Variants in CLIP4 observed in about 807,000 individuals in gnomAD.
CLIP4 encodes the protein CAP-Gly domain containing linker protein family member 4, also known as CAP-Gly domain-containing linker protein 4.
A neutral mutation model predicts 73.1 loss-of-function variants in CLIP4; 47 were observed. The ratio of observed to expected loss-of-function variants is 0.64; its 90% CI spans 0.51 to 0.82. CLIP4 has a LOEUF of 0.82. Ranked by LOEUF, CLIP4 falls within the 40% of genes least tolerant of loss-of-function variation. The pLI is 0.00. For missense variants in CLIP4, 874 were observed against 852.9 expected, an observed-to-expected ratio of 1.02 and a Z score of -0.31; for synonymous variants, 306 against 295.4, an observed-to-expected ratio of 1.04 and a Z score of -0.37.
At chr2:29,098,591 G>A (rs751409641) in intron 1 of CLIP4, among the ~76,000 whole-genome samples, 6 of 152,044 alleles carry the variant, frequency 3.9e-5, no homozygotes, top group Non-Finnish European at 8.8e-5. Context: ...GAGGTACTAC[G>A]GTTTGTTTAT....
At chr2:29,137,975 A>G (rs905787969) in intron 6 of CLIP4, among the ~76,000 whole-genome samples, 1 of 151,994 alleles carries the variant, frequency 6.6e-6, no homozygotes, top group Non-Finnish European at 1.5e-5. Flanking sequence ...CTCTGTTGAT[A>G]GTTTCTTTTG....
At chr2:29,132,762 A>G (rs1244541821) in intron 4 of CLIP4, 1 of 152,594 alleles carries the variant, frequency 6.6e-6, no homozygotes, top group African/African-American at 2.4e-5. Flanking sequence ...TGCTGAAGCT[A>G]CTGGTGGTGA....
chr2:29,160,390 G>T lies in CLIP4; in HGVS notation c.1457G>T (p.Arg486Leu), dbSNP rs3100246. 0.13 allele frequency: 208,866 copies of T among 1,613,966 alleles called. 15,385 individuals carry two copies. The highest frequency in any genetic ancestry group is 0.15 in the Non-Finnish European group (180,147 of 1,179,898). ...AATAGCCGTTGCGAGGGGGAACTCC[G>T]CCTCGGAGAGAGAGTGTTAGTGGTA... ...ANNSRCEGELRLGERVLVVGQ... is the reference protein window; with the variant it reads ...ANNSRCEGELLLGERVLVVGQ... The change falls in exon 12 of 16, where the codon CGC (arginine) becomes CTC (leucine). Residue 486 changes from arginine to leucine, a missense_variant. Arg to Leu is a moderately radical substitution (Grantham distance 102, BLOSUM62 -2). Transcript: ENST00000320081.
chr2:29,098,146 A>G (rs1202919747), intron 1 of CLIP4, among the ~76,000 whole-genome samples: 4 of 152,224 alleles, frequency 2.6e-5, no homozygotes, highest in African/African-American at 9.6e-5. Context: ...TAATGGAATG[A>G]TCAGAAAGTC....
At chr2:29,136,514 G>C (rs1015975109) in intron 6 of CLIP4, among the ~76,000 whole-genome samples, 3 of 151,954 alleles carry the variant, frequency 2.0e-5, no homozygotes, top group African/African-American at 4.8e-5. Flanking sequence ...TAAAGCCCTT[G>C]CCCTCAAAAA....
chr2:29,128,885 A>C (rs1664787682), intron 2 of CLIP4, among the ~76,000 whole-genome samples: 1 of 152,182 alleles, frequency 6.6e-6, no homozygotes, highest in African/African-American at 2.4e-5. Context: ...AATTTCTAGA[A>C]GCACGTTTCC....
At chr2:29,165,427 A>C (rs1667545504) in intron 13 of CLIP4, among the ~76,000 whole-genome samples, 1 of 152,204 alleles carries the variant, frequency 6.6e-6, no homozygotes, top group Non-Finnish European at 1.5e-5. Context: ...TGAGGAAAGT[A>C]AGTCACAAGG....
rs1431647579 is a variant in CLIP4, at chr2:29,133,674, A to G, written c.387A>G (p.Val129=). 3 of 1,608,862 alleles carry G rather than the reference A, an allele frequency of 1.9e-6. No homozygotes were observed. In the African/African-American group the frequency reaches 4.0e-5, roughly 22 times the overall value. ...CTTTAGGTGATGTGGAAACAGCTGT[A>G]AAATTTGCAACTCAGCTTATTGACC... ...AHGIGDVETA[V]KFATQLIDLG... The change falls in exon 5 of 16, where the codon GTA becomes GTG. Residue 129 remains valine (V), a synonymous_variant. Coordinates refer to ENST00000320081, the MANE Select transcript of CLIP4 (RefSeq NM_024692.6).
intron 2 of CLIP4, among the ~76,000 whole-genome samples, chr2:29,122,124 G>C (rs1163626554): frequency 6.6e-6 from 1 of 152,114 alleles, no homozygotes; most frequent in Non-Finnish European, 1.5e-5. Context: ...TTTGGAGGTA[G>C]AGATCATACA....
chr2:29,157,424 A>G (rs1203061500), intron 11 of CLIP4, 77 bp downstream of exon 11: 2 of 1,610,446 alleles, frequency 1.2e-6, no homozygotes, highest in South Asian at 1.1e-5. Flanking sequence ...TGCTCTTTTT[A>G]AATGTGTAGA....
intron 8 of CLIP4, among the ~76,000 whole-genome samples, chr2:29,146,990 CTTTT>C (rs896326947): frequency 4.6e-5 from 7 of 152,026 alleles, no homozygotes; most frequent in East Asian, 3.8e-4. Context: ...TCTATTAAAA[CTTTT>C]TTTGTTTGTT....
intron 11 of CLIP4, 42 bp from the exon 12 acceptor site, chr2:29,160,291 C>T: frequency 1.2e-6 from 2 of 1,613,376 alleles, no homozygotes; most frequent in South Asian, 1.1e-5. Context: ...TTTTTCTCCT[C>T]TTTTCCTGCC....
intron 6 of CLIP4, among the ~76,000 whole-genome samples, chr2:29,140,457 AT>A (rs1197758492): frequency 6.6e-6 from 1 of 151,888 alleles, no homozygotes; most frequent in Non-Finnish European, 1.5e-5. Context: ...TATGTGCCAC[AT>A]TTTCTTAATC....
chr2:29,116,351 G>A (rs1663833919), intron 1 of CLIP4, among the ~76,000 whole-genome samples: 2 of 152,202 alleles, frequency 1.3e-5, no homozygotes, highest in Non-Finnish European at 1.5e-5. Flanking sequence ...ACGTATCAGA[G>A]GATGATGTTC....
chr2:29,144,189 A>G (rs976883273), intron 7 of CLIP4, among the ~76,000 whole-genome samples: 3 of 152,142 alleles, frequency 2.0e-5, no homozygotes, highest in African/African-American at 7.2e-5. Context: ...GTGGAGTAGA[A>G]CTCTTGAGTG....
chr2:29,159,343 C>G (rs1667137722), intron 11 of CLIP4, among the ~76,000 whole-genome samples: 1 of 152,082 alleles, frequency 6.6e-6, no homozygotes, highest in Admixed American at 6.5e-5. Flanking sequence ...TGTTTATGTA[C>G]TGATGGGACA....
At chr2:29,175,711 T>C (rs1485174326) in intron 15 of CLIP4, 1 of 152,202 alleles carries the variant, frequency 6.6e-6, no homozygotes, top group Non-Finnish European at 1.5e-5. Flanking sequence ...TTAACACTAG[T>C]CCCTTAAAAA....
chr2:29,107,358 GTTTTTTTTT>G (rs796180363), intron 1 of CLIP4, among the ~76,000 whole-genome samples: 943 of 65,094 alleles, frequency 0.014, 7 homozygotes, highest in Non-Finnish European at 0.022. Flanking sequence ...GAACATGATA[GTTTTTTTTT>G]TTTTTTTTTT....
At chr2:29,149,054 C>T (rs972101291) in intron 8 of CLIP4, among the ~76,000 whole-genome samples, 8 of 152,154 alleles carry the variant, frequency 5.3e-5, no homozygotes, top group Non-Finnish European at 8.8e-5. Context: ...TAAGGGGCCG[C>T]ATGGTAAATG....
Sources: gnomAD v4.1 joint callset for allele counts (sites outside exome capture counted in the v4.1 genomes callset) on GRCh38, gnomAD v4.1.1 for gene constraint, MANE v1.5 for transcripts, NCBI Gene and HGNC (gene_info 2026-07-23, HGNC 2026-07-21) for gene names.